ELMO1: variants seen among roughly 807,000 people sequenced by gnomAD.
ELMO1 encodes engulfment and cell motility 1, also known as engulfment and cell motility protein 1.
In ELMO1, 26 loss-of-function variants were observed where a neutral mutation model predicts 98.9. The ratio of observed to expected loss-of-function variants is 0.26; its 90% CI spans 0.19 to 0.36. The LOEUF (loss-of-function observed/expected upper bound fraction) is 0.36, where lower values mean the gene tolerates loss of function less well. Ranked by LOEUF, ELMO1 falls within the 10% of genes least tolerant of loss-of-function variation. The pLI is 1.00. For missense variants in ELMO1, 627 were observed against 935.2 expected (o/e 0.67, Z 4.30); for synonymous variants, 346 against 346.0 (o/e 1.00, Z 0.00).
At chr7:37,281,021 A>ATATATG (rs60683035) in intron 4 of ELMO1, among the ~76,000 whole-genome samples, 62,344 of 148,444 alleles carry the variant, frequency 0.42, 13,421 homozygotes, top group Middle Eastern at 0.55. Context: ...AAATATATAT[A>ATATATG]TATACACACA....
At chr7:37,331,507 T>C (rs1800121068) in intron 2 of ELMO1, among the ~76,000 whole-genome samples, 1 of 151,834 alleles carries the variant, frequency 6.6e-6, no homozygotes, top group Admixed American at 6.6e-5. Context: ...ACTTATAAGA[T>C]GTCTAATTGG....
intron 16 of ELMO1, among the ~76,000 whole-genome samples, chr7:36,895,655 C>T (rs148275977): frequency 1.1e-3 from 169 of 152,286 alleles, no homozygotes; most frequent in African/African-American, 3.9e-3. Context: ...AAGAAGAATA[C>T]TGTAATTTTC....
intron 1 of ELMO1, among the ~76,000 whole-genome samples, chr7:37,440,576 C>T (rs1805371989): frequency 6.6e-6 from 1 of 151,964 alleles, no homozygotes; most frequent in Non-Finnish European, 1.5e-5. Flanking sequence ...TGAGACAAGC[C>T]TGACCAACAT....
At chr7:37,184,922 G>A (rs1228623273) in intron 13 of ELMO1, among the ~76,000 whole-genome samples, 2 of 151,950 alleles carry the variant, frequency 1.3e-5, no homozygotes, top group African/African-American at 2.4e-5. Flanking sequence ...AGTCCATCAC[G>A]AATTACTTCA....
chr7:37,241,911 T>C lies in ELMO1; in HGVS notation c.449+2445A>G, dbSNP rs141443930. Among the ~76,000 whole-genome samples the C allele has an allele frequency of 2.9e-3, 448 of 152,304 alleles. 3 individuals carry two copies. The highest frequency in any genetic ancestry group is 6.8e-3 in the Middle Eastern group (2 of 294). On this transcript the variant is annotated intron_variant, in intron 7 of 21. Coordinates refer to ENST00000310758, the MANE Select transcript of ELMO1 (RefSeq NM_014800.11). ...AAATTTAAAGGAAAGTAAAACTACA[T>C]TTTGTCTTTTTATATTACCCACATA... is the stretch of plus-strand genomic sequence containing the variant.
intron 20 of ELMO1, among the ~76,000 whole-genome samples, chr7:36,868,128 T>C (rs1329836622): frequency 1.3e-5 from 2 of 152,218 alleles, no homozygotes; most frequent in African/African-American, 4.8e-5. Flanking sequence ...TTAATAATAA[T>C]GAATTTGTTT....
intron 16 of ELMO1, among the ~76,000 whole-genome samples, chr7:36,948,949 A>T (rs1787741115): frequency 6.6e-6 from 1 of 152,120 alleles, no homozygotes; most frequent in Non-Finnish European, 1.5e-5. Context: ...TCTGTCTCCC[A>T]GGTTCAAGCG....
intron 7 of ELMO1, among the ~76,000 whole-genome samples, chr7:37,236,928 C>A (rs1794499144): frequency 6.6e-6 from 1 of 152,172 alleles, no homozygotes; most frequent in Non-Finnish European, 1.5e-5. Context: ...TATAGAGAGT[C>A]AAGGCTAAAA....
At chr7:37,098,375 A>AT (rs1784469984) in intron 14 of ELMO1, among the ~76,000 whole-genome samples, 1 of 152,230 alleles carries the variant, frequency 6.6e-6, no homozygotes, top group Non-Finnish European at 1.5e-5. Flanking sequence ...AGTTTATCGC[A>AT]AGTGCTATGA....
intron 1 of ELMO1, among the ~76,000 whole-genome samples, chr7:37,427,676 A>G (rs1328823952): frequency 1.3e-5 from 2 of 152,254 alleles, no homozygotes; most frequent in Admixed American, 6.5e-5. Flanking sequence ...TTTAACTGCA[A>G]TTATTCCCAA....
Position 36,855,874 on chromosome 7 carries a change from T to G in ELMO1, c.1984-123A>C. 2 of 1,098,274 alleles carry G rather than the reference T, an allele frequency of 1.8e-6. No individual in the cohort carries two copies. Among genetic ancestry groups the G allele is most frequent in the Non-Finnish European group, 2.6e-6 (2 of 755,176 alleles). The allele number at this position is 1,098,274 out of a possible 1,614,324, so 68.0% of individuals were successfully genotyped here. On this transcript the variant is annotated intron_variant, in intron 21 of 21. Transcript: ENST00000310758. This position sits in a 1 kb window ranked among gnomAD's most constrained non-coding sequence, Gnocchi z 4.2. ...CTGTGCGCTAAGGGCTCTGCCTACTTCGTCATTTCATATTTGGCGACATCT... is the reference window on the plus strand; with the variant it reads ...CTGTGCGCTAAGGGCTCTGCCTACTGCGTCATTTCATATTTGGCGACATCT...
At chr7:37,355,825 G>A (rs1801474162) in intron 1 of ELMO1, among the ~76,000 whole-genome samples, 1 of 152,194 alleles carries the variant, frequency 6.6e-6, no homozygotes, top group African/African-American at 2.4e-5. Flanking sequence ...CTTGAGTTAT[G>A]AGGTGGCTGA....
At chr7:37,197,500 G>A (rs1280110345) in intron 13 of ELMO1, among the ~76,000 whole-genome samples, 2 of 152,222 alleles carry the variant, frequency 1.3e-5, no homozygotes, top group Non-Finnish European at 2.9e-5. Flanking sequence ...TTCAGAGGTA[G>A]GAAGGGCACT....
chr7:37,161,241 T>C (rs1458107527), intron 13 of ELMO1, among the ~76,000 whole-genome samples: 2 of 152,146 alleles, frequency 1.3e-5, no homozygotes, highest in East Asian at 3.9e-4. Flanking sequence ...AGACATCAAC[T>C]GACCTTGAGC....
intron 4 of ELMO1, among the ~76,000 whole-genome samples, chr7:37,302,910 T>TTACTGAGTG (rs1403074609): frequency 4.6e-5 from 7 of 152,204 alleles, no homozygotes; most frequent in Non-Finnish European, 1.0e-4. Context: ...GGCCCTAATG[T>TTACTGAGTG]TACTGAGTGT....
chr7:37,415,750 G>A (rs148349794), intron 1 of ELMO1, among the ~76,000 whole-genome samples: 2 of 152,290 alleles, frequency 1.3e-5, no homozygotes, highest in East Asian at 1.9e-4. Flanking sequence ...GAAAAGAAAC[G>A]TGAATTAAAG....
chr7:37,362,040 G>A (rs966042820), intron 1 of ELMO1, among the ~76,000 whole-genome samples: 5 of 152,104 alleles, frequency 3.3e-5, no homozygotes, highest in African/African-American at 1.2e-4. Context: ...GAACTTTTCA[G>A]GGTGATGAAA....
rs1411029048 is a variant in ELMO1 at position 37,255,625 on chromosome 7, C to T, written c.413+3556G>A. Among the ~76,000 whole-genome samples, 12 of 152,146 alleles carry T rather than the reference C, an allele frequency of 7.9e-5. No homozygotes were observed. The South Asian group carries it at 1.2e-3, about 16-fold the overall frequency. On this transcript the variant is annotated intron_variant, in intron 6 of 21. Transcript: ENST00000310758. ...CGCCCCTGCTTTGCTGTCTTTACCACGGTAAAGTAACCGTAATTACAATTG... is the reference window on the plus strand; with the variant it reads ...CGCCCCTGCTTTGCTGTCTTTACCATGGTAAAGTAACCGTAATTACAATTG...
chr7:37,125,419 A>T (rs1003361243), intron 14 of ELMO1, among the ~76,000 whole-genome samples: 4 of 152,148 alleles, frequency 2.6e-5, no homozygotes, highest in African/African-American at 7.2e-5. Flanking sequence ...GAATCTACAA[A>T]GAACTCAAAC....
Sources: gnomAD v4.1 joint callset for allele counts (sites outside exome capture counted in the v4.1 genomes callset) on GRCh38, gnomAD v4.1.1 for gene constraint, Gnocchi (gnomAD v3.1) non-coding constraint, MANE v1.5 for transcripts, NCBI Gene and HGNC (gene_info 2026-07-23, HGNC 2026-07-21) for gene names.